HSD17B2: variants seen among roughly 807,000 people sequenced by gnomAD.
HSD17B2 encodes hydroxysteroid 17-beta dehydrogenase 2.
In HSD17B2, 32 loss-of-function variants were observed where a neutral mutation model predicts 26.9. The ratio of observed to expected loss-of-function variants is 1.19; its 90% confidence interval spans 0.90 to 1.60. The LOEUF is 1.60. Ranked by LOEUF, HSD17B2 falls within the 40% of genes most tolerant of loss-of-function variation. The pLI is 0.00. For synonymous variants in HSD17B2, 246 were observed against 186.7 expected (o/e 1.32, Z -2.59); for missense variants, 613 against 468.6 (o/e 1.31, Z -2.85).
chr16:82,040,343 T>C (rs1913734709), intron 1 of HSD17B2, among the ~76,000 whole-genome samples: 1 of 152,224 alleles, frequency 6.6e-6, no homozygotes, highest in South Asian at 2.1e-4. Flanking sequence ...ACTAAGAGAC[T>C]AAGAGAAATA....
intron 3 of HSD17B2, chr16:82,072,045 A>G (rs1480735714): frequency 6.6e-6 from 1 of 152,266 alleles, no homozygotes; most frequent in African/African-American, 2.4e-5. Context: ...TATCAGTTCT[A>G]GAATGATTTG....
chr16:82,094,226 C>T (rs1374991727), intron 4 of HSD17B2: 4 of 152,174 alleles, frequency 2.6e-5, no homozygotes, highest in South Asian at 4.2e-4. Flanking sequence ...TTTACCCAGC[C>T]CCTATTCAAG....
chr16:82,081,875 G>A (rs932787820), intron 3 of HSD17B2, among the ~76,000 whole-genome samples: 3 of 152,118 alleles, frequency 2.0e-5, no homozygotes, highest in Non-Finnish European at 2.9e-5. Flanking sequence ...ATTAGATAAA[G>A]AAAATGTGGT....
At chr16:82,080,824 C>G (rs1224904097) in intron 3 of HSD17B2, among the ~76,000 whole-genome samples, 1 of 152,212 alleles carries the variant, frequency 6.6e-6, no homozygotes, top group Non-Finnish European at 1.5e-5. Context: ...GAACGCTTAG[C>G]ACTTTATCGC....
At chr16:82,091,205 A>G (rs746819445) in intron 4 of HSD17B2, 166 bp downstream of exon 4, 3 of 741,238 alleles carry the variant, frequency 4.0e-6, no homozygotes, top group Non-Finnish European at 7.3e-6. Context: ...AACTGCTGAC[A>G]GTAGGGGAAA....
chr16:82,091,161 T>G, intron 4 of HSD17B2, 122 bp downstream of exon 4: 1 of 996,296 alleles, frequency 1.0e-6, no homozygotes, highest in East Asian at 2.4e-5. Context: ...CAGCCAGAGA[T>G]CAGTTAAAGG....
intron 3 of HSD17B2, among the ~76,000 whole-genome samples, chr16:82,089,051 G>A (rs904088320): frequency 1.2e-4 from 18 of 152,030 alleles, no homozygotes; most frequent in African/African-American, 4.1e-4. Flanking sequence ...CCTTCCAAAG[G>A]CCCCATCTCC....
At chr16:82,060,670 A>C (rs575444706) in intron 1 of HSD17B2, among the ~76,000 whole-genome samples, 1 of 152,350 alleles carries the variant, frequency 6.6e-6, no homozygotes, top group South Asian at 2.1e-4. Flanking sequence ...CCGTTCTACC[A>C]TAAGAAGTGA....
chr16:82,071,505 C>G, intron 3 of HSD17B2: 1 of 341,516 alleles, frequency 2.9e-6, no homozygotes. Context: ...GTGTTCAGTT[C>G]CCTGTAAGCT....
At chr16:82,073,934 C>T (rs1336786766) in intron 3 of HSD17B2, among the ~76,000 whole-genome samples, 1 of 152,180 alleles carries the variant, frequency 6.6e-6, no homozygotes. Flanking sequence ...AGGCATCACA[C>T]TACCTGAATT....
chr16:82,080,539 C>G (rs1334871050), intron 3 of HSD17B2, among the ~76,000 whole-genome samples: 1 of 152,184 alleles, frequency 6.6e-6, no homozygotes, highest in Non-Finnish European at 1.5e-5. Flanking sequence ...CCAGAAGGAG[C>G]ATGACCCTGC....
At chr16:82,038,939 T>C (rs936814417) in intron 1 of HSD17B2, among the ~76,000 whole-genome samples, 3 of 152,076 alleles carry the variant, frequency 2.0e-5, no homozygotes, top group Non-Finnish European at 4.4e-5. Flanking sequence ...CAATCATTAG[T>C]TAAGGGCAGT....
At chr16:82,069,480 A>G (rs768068095) in intron 2 of HSD17B2, among the ~76,000 whole-genome samples, 2 of 152,162 alleles carry the variant, frequency 1.3e-5, no homozygotes, top group African/African-American at 2.4e-5. Flanking sequence ...GCAGTATTTA[A>G]GCATGTTGTT....
intron 1 of HSD17B2, among the ~76,000 whole-genome samples, chr16:82,036,960 G>A (rs546655470): frequency 7.2e-5 from 11 of 152,236 alleles, no homozygotes; most frequent in Middle Eastern, 3.4e-3. Context: ...CAAACCACAG[G>A]GTAGCTGAGA....
chr16:82,043,684 C>CAAAA lies in HSD17B2; in HGVS notation c.265+8022_265+8025dup, dbSNP rs398030034. 8.7e-3 allele frequency among the ~76,000 whole-genome samples: 195 copies of CAAAA among 22,528 alleles called. 25 individuals are homozygous for CAAAA. Among genetic ancestry groups the CAAAA allele is most frequent in the African/African-American group, 0.019 (55 of 2,886 alleles). 14.8% of individuals were successfully genotyped at this position (22,528 alleles called of 152,430 possible). On this transcript the variant is annotated intron_variant, in intron 1 of 4. Transcript: ENST00000199936. ...TGGGCGACAAGGCAAAACTCTGTCTCAAAAAAAAAAAAAAAAAAAAAAAAA... is the reference window on the plus strand; with the variant it reads ...TGGGCGACAAGGCAAAACTCTGTCTCAAAAAAAAAAAAAAAAAAAAAAAAAAAAA...
chr16:82,070,921 A>C, intron 2 of HSD17B2, 21 bp from the exon 3 acceptor site: 2 of 1,604,714 alleles, frequency 1.2e-6, no homozygotes, highest in Non-Finnish European at 1.7e-6. Context: ...ACACTCACTC[A>C]TTATGGTTTT....
At chr16:82,039,617 G>T (rs905987880) in intron 1 of HSD17B2, among the ~76,000 whole-genome samples, 1 of 152,076 alleles carries the variant, frequency 6.6e-6, no homozygotes, top group African/African-American at 2.4e-5. Context: ...CTTCATCTTG[G>T]ACACACATTC....
Position 82,098,421 on chromosome 16 carries a change from G to T in HSD17B2, c.1149G>T (p.Lys383Asn). Reference sequence around the variant, plus strand: ...GAGCTCTAAGAATGCCTAACTACAAGAAAAAGGCCACCTAGGCAATGGAAG... The same window carrying T: ...GAGCTCTAAGAATGCCTAACTACAATAAAAAGGCCACCTAGGCAATGGAAG... ...MPRALRMPNY[K>N]KKAT The change falls in exon 5 of 5, where the codon AAG (lysine) becomes AAT (asparagine). Residue 383 changes from lysine (K) to asparagine (N), a missense_variant. Physicochemically the swap from Lys to Asn is moderately conservative, Grantham distance 94. Coordinates refer to ENST00000199936, the MANE Select transcript of HSD17B2 (RefSeq NM_002153.3). The T allele has an allele frequency of 6.2e-7, 1 of 1,601,206 alleles. No individual in the cohort carries two copies. The highest frequency in any genetic ancestry group is 2.2e-5 in the East Asian group (1 of 44,698).
intron 3 of HSD17B2, among the ~76,000 whole-genome samples, chr16:82,090,560 C>G (rs1352578305): frequency 6.6e-6 from 1 of 152,056 alleles, no homozygotes; most frequent in African/African-American, 2.4e-5. Context: ...CTCAGGTGAT[C>G]TGCCCACCTT....
Sources: allele counts gnomAD v4.1 joint callset (sites outside exome capture counted in the v4.1 genomes callset), GRCh38; gene constraint gnomAD v4.1.1; transcripts MANE v1.5; gene names NCBI Gene and HGNC (gene_info 2026-07-23, HGNC 2026-07-21).